Variants in CLDN10 observed in about 807,000 individuals in gnomAD.
CLDN10 encodes the protein claudin 10.
CLDN10 carries 15 observed loss-of-function variants against 22.9 expected under a neutral mutation model. The observed-to-expected ratio is 0.65, with a 90% CI of 0.44 to 1.01. The LOEUF (loss-of-function observed/expected upper bound fraction) is 1.01, where lower values mean the gene tolerates loss of function less well. Ranked by LOEUF, CLDN10 falls within the 50% of genes least tolerant of loss-of-function variation. CLDN10 has a pLI of 0.00. For synonymous variants in CLDN10, 114 were observed against 111.4 expected (o/e 1.02, Z -0.15); for missense variants, 247 against 287.8 (o/e 0.86, Z 1.03).
chr13:95,433,776 A>T, exon 1 of CLDN10: 1 of 1,578,090 alleles, frequency 6.3e-7, no homozygotes, highest in Non-Finnish European at 8.7e-7. Context: ...TATCGGCTGC[A>T]TGCCTAGACC....
intron 3 of CLDN10, among the ~76,000 whole-genome samples, chr13:95,576,704 A>T (rs185879046): frequency 2.8e-4 from 43 of 152,230 alleles, no homozygotes; most frequent in Admixed American, 2.6e-4. Flanking sequence ...CATATGGGAG[A>T]TCCTTAATAG....
rs1239321901 is a variant in CLDN10 at position 95,474,686 on chromosome 13, A to T, written c.214+40639A>T. Among the ~76,000 whole-genome samples the T allele has an allele frequency of 9.2e-5, 14 of 152,400 alleles. No individual in the cohort carries two copies. The East Asian group carries it at 2.7e-3, about 29-fold the overall frequency. The stretch of plus-strand genomic sequence containing the variant: ...CAAGGGCAATGGCCCTGTCTCAGTG[A>T]AACTGGGGAGGAAACCCATATGTAG... On this transcript the variant is annotated intron_variant, in intron 1 of 4. Coordinates refer to the CLDN10 transcript ENST00000376873.
rs144411750 is a variant in CLDN10, at chr13:95,515,545, A to C, written c.215-44587A>C. ...TGGCATGAATGTAAGTCTTTCCTAC[A>C]GGTCCTTCCCCACTGTATGAAGTGA... On this transcript the variant is annotated intron_variant, in intron 1 of 4. Transcript: ENST00000376873. Among the ~76,000 whole-genome samples the C allele has an allele frequency of 3.7e-4, 57 of 152,268 alleles. No homozygotes were observed. In the East Asian group the frequency reaches 0.011, roughly 29 times the overall value.
chr13:95,560,492 C>T, intron 3 of CLDN10, 29 bp downstream of exon 3: 1 of 1,536,592 alleles, frequency 6.5e-7, no homozygotes, highest in Non-Finnish European at 9.0e-7. Context: ...CTGTTTCCAG[C>T]TCACAGGAAG....
intron 1 of CLDN10, among the ~76,000 whole-genome samples, chr13:95,436,702 A>G (rs747500373): frequency 5.9e-5 from 9 of 152,182 alleles, no homozygotes; most frequent in African/African-American, 9.7e-5. Flanking sequence ...TCTGTTTTCA[A>G]TGTCAGAAAC....
In CLDN10 at chr13:95,511,767, CTTTTTTTTTT is replaced by C. The variant is rs71113940; in HGVS notation, c.215-48353_215-48344del. 6.5e-4 allele frequency among the ~76,000 whole-genome samples: 17 copies of C among 26,102 alleles called. 1 individual carries two copies. Among genetic ancestry groups the C allele is most frequent in the South Asian group, 2.9e-3 (1 of 342 alleles). The allele number at this position is 26,102 out of a possible 152,430, so 17.1% of individuals were successfully genotyped here. A position where few individuals can be genotyped will look rare whatever the true frequency, so the allele number is the denominator to read the frequency against. On this transcript the variant is annotated intron_variant, in intron 1 of 4. Transcript: ENST00000376873. ...TCATCTTAGGCAAAGATTCTCTCTCCTTTTTTTTTTTTTTTTTTTTTGGTTTTTGTTTGTT... is the reference window on the plus strand; with the variant it reads ...TCATCTTAGGCAAAGATTCTCTCTCCTTTTTTTTTTTGGTTTTTGTTTGTT...
At chr13:95,514,916 T>C (rs924665929) in intron 1 of CLDN10, among the ~76,000 whole-genome samples, 10 of 152,088 alleles carry the variant, frequency 6.6e-5, no homozygotes, top group African/African-American at 2.4e-4. Context: ...CAGACTTGCA[T>C]GGAGATGGCG....
chr13:95,525,331 T>A (rs963120244), intron 1 of CLDN10, among the ~76,000 whole-genome samples: 2 of 152,250 alleles, frequency 1.3e-5, no homozygotes, highest in African/African-American at 4.8e-5. Flanking sequence ...TGTCCATTAC[T>A]AAATTGGGTT....
At chr13:95,481,180 T>C (rs938769450) in intron 1 of CLDN10, among the ~76,000 whole-genome samples, 4 of 152,146 alleles carry the variant, frequency 2.6e-5, no homozygotes, top group Non-Finnish European at 5.9e-5. Context: ...ATGGCCTAGA[T>C]GGGGAAGAGT....
intron 3 of CLDN10, among the ~76,000 whole-genome samples, chr13:95,568,413 T>G (rs6492812): frequency 0.051 from 7,714 of 152,168 alleles, 565 homozygotes; most frequent in African/African-American, 0.16. Flanking sequence ...TATTTGGCGC[T>G]CTCTTTTGTT....
rs189400652 is a variant in CLDN10 at position 95,507,780 on chromosome 13, C to T, written c.215-52352C>T. On this transcript the variant is annotated intron_variant, in intron 1 of 4. Transcript: ENST00000376873. ...CTGGGATTACAGGCATGCACCACCA[C>T]GCCTGGCTAATTTTGTACTTTTAGT... Among the ~76,000 whole-genome samples the T allele has an allele frequency of 2.1e-3, 318 of 152,146 alleles. 1 individual carries two copies. Among genetic ancestry groups the T allele is most frequent in the African/African-American group, 7.1e-3 (294 of 41,512 alleles).
intron 1 of CLDN10, among the ~76,000 whole-genome samples, chr13:95,506,855 T>A (rs1362563791): frequency 1.3e-5 from 2 of 152,102 alleles, no homozygotes; most frequent in Non-Finnish European, 2.9e-5. Flanking sequence ...TTTTGCCCAG[T>A]TCAGCACTCA....
intron 1 of CLDN10, among the ~76,000 whole-genome samples, chr13:95,497,658 T>C (rs2042942956): frequency 6.6e-6 from 1 of 152,194 alleles, no homozygotes; most frequent in African/African-American, 2.4e-5. Flanking sequence ...AACACAAATG[T>C]CCCCTGCAAT....
intron 1 of CLDN10, among the ~76,000 whole-genome samples, chr13:95,546,138 A>T (rs752011478): frequency 5.3e-5 from 8 of 152,188 alleles, no homozygotes; most frequent in African/African-American, 1.9e-4. Flanking sequence ...TTATAAAAGC[A>T]ATTTTCCTGA....
intron 1 of CLDN10, among the ~76,000 whole-genome samples, chr13:95,478,179 A>T (rs1055479383): frequency 1.3e-5 from 2 of 152,130 alleles, no homozygotes; most frequent in South Asian, 4.1e-4. Flanking sequence ...ATGGTGGTGC[A>T]TGCCTGTAGT....
At chr13:95,571,785 GA>G (rs2043865405) in intron 3 of CLDN10, among the ~76,000 whole-genome samples, 1 of 152,178 alleles carries the variant, frequency 6.6e-6, no homozygotes, top group African/African-American at 2.4e-5. Context: ...ATTCAATTTT[GA>G]AATGTTAACT....
intron 3 of CLDN10, among the ~76,000 whole-genome samples, chr13:95,566,231 C>T (rs925592056): frequency 6.6e-6 from 1 of 152,214 alleles, no homozygotes; most frequent in Non-Finnish European, 1.5e-5. Context: ...AACTAATTTA[C>T]ACTCCCACCA....
chr13:95,577,306 C>T lies in CLDN10; in HGVS notation c.540C>T (p.Cys180=). 1.4e-5 allele frequency: 23 copies of T among 1,613,806 alleles called. No homozygotes were observed. The highest frequency in any genetic ancestry group is 1.9e-5 in the Non-Finnish European group (22 of 1,179,818). ...GCATAATTGGTGGTGTCATATTTTGCTTTTCAATATCTGACAACAACAAAA... is the reference window on the plus strand; with the variant it reads ...GCATAATTGGTGGTGTCATATTTTGTTTTTCAATATCTGACAACAACAAAA... The part of the protein sequence containing the change: ...SLCIIGGVIF[C]FSISDNNKTP... Residue 180 remains cysteine (C), a synonymous_variant, in exon 4 of 5, where the codon TGC becomes TGT. Transcript: ENST00000299339.
chr13:95,577,589 TA>T (rs777087158), intron 4 of CLDN10, among the ~76,000 whole-genome samples: 2 of 152,224 alleles, frequency 1.3e-5, no homozygotes, highest in Admixed American at 6.5e-5. Flanking sequence ...AATTTTCCTC[TA>T]GGTAGGCAGG....
Sources: gnomAD v4.1 joint callset for allele counts (sites outside exome capture counted in the v4.1 genomes callset) on GRCh38, gnomAD v4.1.1 for gene constraint, MANE v1.5 for transcripts, NCBI Gene and HGNC (gene_info 2026-07-23, HGNC 2026-07-21) for gene names.